The following UNC13C variants were observed in gnomAD, a reference collection of about 807,000 sequenced individuals.
UNC13C encodes the protein protein unc-13 homolog C.
UNC13C carries 174 observed loss-of-function variants against 245.4 expected under a neutral mutation model. That is an observed-to-expected ratio of 0.71 (90% CI 0.63 to 0.80). The LOEUF (loss-of-function observed/expected upper bound fraction) is 0.80, where lower values mean the gene tolerates loss of function less well. Among genes scored for constraint, UNC13C ranks in the 30% least tolerant of loss-of-function variants. UNC13C has a pLI of 0.00. For missense variants in UNC13C, 2,829 were observed against 2,602.9 expected (o/e 1.09, Z -1.89); for synonymous variants, 992 against 895.1 (o/e 1.11, Z -1.93).
At chr15:54,536,030 T>G (rs1895968484) in intron 26 of UNC13C, among the ~76,000 whole-genome samples, 1 of 151,812 alleles carries the variant, frequency 6.6e-6, no homozygotes. Flanking sequence ...ATACAAAAGA[T>G]CAGTGAAACA....
the UNC13C span, among the ~76,000 whole-genome samples, chr15:53,842,647 T>G: frequency 6.6e-6 from 1 of 152,152 alleles, no homozygotes; most frequent in Non-Finnish European, 1.5e-5. Context: ...ATAGGCATCT[T>G]TGTTATGGTT....
At chr15:54,584,189 A>G (rs1047995399) in intron 30 of UNC13C, among the ~76,000 whole-genome samples, 10 of 152,190 alleles carry the variant, frequency 6.6e-5, no homozygotes, top group Non-Finnish European at 1.2e-4. Flanking sequence ...CTGAAGACCA[A>G]ATTAGGAACC....
At chr15:54,227,049 A>T (rs567996545) in intron 4 of UNC13C, among the ~76,000 whole-genome samples, 2 of 152,266 alleles carry the variant, frequency 1.3e-5, no homozygotes, top group African/African-American at 4.8e-5. Flanking sequence ...CTGAGTCCTT[A>T]TACTTTGTCC....
At chr15:54,334,241 T>C (rs2038515755) in intron 16 of UNC13C, among the ~76,000 whole-genome samples, 1 of 152,168 alleles carries the variant, frequency 6.6e-6, no homozygotes, top group Non-Finnish European at 1.5e-5. Context: ...CTGACTCTTT[T>C]AAGTTTACCC....
chr15:54,240,628 A>G (rs1413892727), intron 7 of UNC13C, among the ~76,000 whole-genome samples: 1 of 152,160 alleles, frequency 6.6e-6, no homozygotes, highest in Admixed American at 6.5e-5. Context: ...TGGGTGAAGC[A>G]TCGCCAGTGC....
intron 2 of UNC13C, among the ~76,000 whole-genome samples, chr15:54,061,361 A>T (rs1897826699): frequency 6.6e-6 from 1 of 152,092 alleles, no homozygotes; most frequent in Non-Finnish European, 1.5e-5. Context: ...TGGAAGAAAA[A>T]TGGTACTCTA....
intron 4 of UNC13C, among the ~76,000 whole-genome samples, chr15:54,161,388 A>G (rs1175133018): frequency 6.6e-6 from 1 of 152,198 alleles, no homozygotes; most frequent in Non-Finnish European, 1.5e-5. Context: ...GTACATGGAC[A>G]TCGTTTGACA....
chr15:53,971,736 C>T, the UNC13C span, among the ~76,000 whole-genome samples: 1 of 152,122 alleles, frequency 6.6e-6, no homozygotes, highest in East Asian at 1.9e-4. Context: ...TATTATCTCC[C>T]TTTTAATTCT....
At chr15:54,353,898 T>C (rs1160449472) in intron 17 of UNC13C, among the ~76,000 whole-genome samples, 1 of 152,128 alleles carries the variant, frequency 6.6e-6, no homozygotes, top group Non-Finnish European at 1.5e-5. Flanking sequence ...GCCAACCAAT[T>C]GAAAAACAGA....
rs540530235 is a variant in UNC13C, at chr15:54,266,111, A to G, written c.3818+615A>G. On this transcript the variant is annotated intron_variant, in intron 10 of 32. Coordinates refer to ENST00000260323, the MANE Select transcript of UNC13C (RefSeq NM_001080534.3). ...TTATTTGGTAGAAGTAAAAATTCCTACATGAGTTAAAGACAGTCTTTTTTC... is the reference window on the plus strand; with the variant it reads ...TTATTTGGTAGAAGTAAAAATTCCTGCATGAGTTAAAGACAGTCTTTTTTC... 2.6e-5 allele frequency among the ~76,000 whole-genome samples: 4 copies of G among 152,132 alleles called. No homozygotes were observed. The East Asian group carries it at 7.7e-4, about 29-fold the overall frequency.
chr15:54,148,261 A>G (rs2032366527), intron 4 of UNC13C, among the ~76,000 whole-genome samples: 3 of 152,194 alleles, frequency 2.0e-5, no homozygotes, highest in Admixed American at 2.0e-4. Context: ...GAGATTTCCA[A>G]GGTTGTTCAA....
chr15:54,392,793 A>G (rs1313197818), intron 17 of UNC13C, among the ~76,000 whole-genome samples: 1 of 151,984 alleles, frequency 6.6e-6, no homozygotes, highest in Non-Finnish European at 1.5e-5. Context: ...CAGAACAACA[A>G]CAACAGCAAC....
chr15:54,526,089 C>G (rs1895444068), intron 25 of UNC13C, among the ~76,000 whole-genome samples: 4 of 152,322 alleles, frequency 2.6e-5, no homozygotes, highest in Admixed American at 6.5e-5. Context: ...GCTGGATCAA[C>G]AACCCTATAC....
At chr15:54,353,545 C>T (rs1051915660) in intron 17 of UNC13C, among the ~76,000 whole-genome samples, 7 of 152,274 alleles carry the variant, frequency 4.6e-5, no homozygotes, top group East Asian at 1.9e-4. Flanking sequence ...CGAAGAGGTA[C>T]GGTAGAATCA....
intron 29 of UNC13C, among the ~76,000 whole-genome samples, chr15:54,563,884 A>T (rs1032394348): frequency 1.7e-4 from 26 of 152,016 alleles, no homozygotes; most frequent in African/African-American, 6.3e-4. Context: ...AAAATCTCTG[A>T]ATGCCAAGGT....
At chr15:54,286,713 T>C (rs1400520468) in intron 10 of UNC13C, among the ~76,000 whole-genome samples, 2 of 152,218 alleles carry the variant, frequency 1.3e-5, no homozygotes, top group African/African-American at 2.4e-5. Flanking sequence ...AAATTAGTCA[T>C]TTTGATGACT....
the UNC13C span, among the ~76,000 whole-genome samples, chr15:53,895,180 ATGGTGAAACC>A: frequency 1.2e-4 from 18 of 151,902 alleles, no homozygotes; most frequent in Non-Finnish European, 2.2e-4. Context: ...CCTGGCCAAC[ATGGTGAAACC>A]TCGTCTCTAC....
chr15:54,458,585 T>C (rs113514680), intron 19 of UNC13C, among the ~76,000 whole-genome samples: 50 of 152,024 alleles, frequency 3.3e-4, no homozygotes, highest in African/African-American at 1.1e-3. Context: ...GTTAGATGTG[T>C]ATATATTTAG....
chr15:54,250,723 CT>C (rs1022781134), intron 8 of UNC13C, among the ~76,000 whole-genome samples: 4 of 96,152 alleles, frequency 4.2e-5, no homozygotes, highest in Non-Finnish European at 8.6e-5. Flanking sequence ...TATCTATTTT[CT>C]TTTTTGTCTT....
Sources: gnomAD v4.1 joint callset for allele counts (sites outside exome capture counted in the v4.1 genomes callset) on GRCh38, gnomAD v4.1.1 for gene constraint, MANE v1.5 for transcripts, NCBI Gene and HGNC (gene_info 2026-07-23, HGNC 2026-07-21) for gene names.